The following BMPER variants were observed in gnomAD, a reference collection of about 807,000 sequenced individuals.
BMPER encodes BMP-binding endothelial regulator protein.
In BMPER, 45 loss-of-function variants were observed where a neutral mutation model predicts 87.3. The observed-to-expected ratio is 0.52, with a 90% CI of 0.41 to 0.66. BMPER has a LOEUF of 0.66. Ranked by LOEUF, BMPER falls within the 30% of genes least tolerant of loss-of-function variation. BMPER has a pLI of 0.00. For synonymous variants in BMPER, 326 were observed against 316.2 expected (o/e 1.03, Z -0.33); for missense variants, 784 against 867.5 (o/e 0.90, Z 1.21).
intron 13 of BMPER, among the ~76,000 whole-genome samples, chr7:34,111,333 C>T (rs1789957119): frequency 6.6e-6 from 1 of 152,176 alleles, no homozygotes; most frequent in Non-Finnish European, 1.5e-5. Flanking sequence ...CATTTTTGTT[C>T]AAATTTAATT....
chr7:34,061,347 A>G (rs954557076), intron 10 of BMPER, among the ~76,000 whole-genome samples: 19 of 152,320 alleles, frequency 1.2e-4, no homozygotes, highest in Middle Eastern at 3.4e-3. Context: ...AAGTTGTGCA[A>G]TGTAGGAAAT....
At chr7:34,146,655 C>T (rs1246004219) in intron 14 of BMPER, among the ~76,000 whole-genome samples, 1 of 152,046 alleles carries the variant, frequency 6.6e-6, no homozygotes, top group Admixed American at 6.6e-5. Flanking sequence ...CTCAGAGGGT[C>T]ATTGAGACTT....
chr7:34,109,491 T>A (rs1409408817), intron 13 of BMPER, among the ~76,000 whole-genome samples: 3 of 152,220 alleles, frequency 2.0e-5, no homozygotes, highest in Non-Finnish European at 4.4e-5. Flanking sequence ...TAAAAATTAA[T>A]CATCACAATT....
At chr7:33,905,436 T>TCCCCCCCCCCCCC, upstream of BMPER, 1 of 20,338 alleles carries the variant, frequency 4.9e-5, no homozygotes. Context: ...CACCTTGGTC[T>TCCCCCCCCCCCCC]CTCCCCCCGC....
At chr7:34,074,486 C>T (rs1363379984) in intron 11 of BMPER, among the ~76,000 whole-genome samples, 1 of 152,226 alleles carries the variant, frequency 6.6e-6, no homozygotes, top group Non-Finnish European at 1.5e-5. Flanking sequence ...AACAGCCTTT[C>T]CTGATTCTTC....
intron 6 of BMPER, among the ~76,000 whole-genome samples, chr7:33,979,895 C>CA (rs1785805496): frequency 6.6e-6 from 1 of 152,218 alleles, no homozygotes; most frequent in Admixed American, 6.5e-5. Context: ...GACAGAGAGG[C>CA]AGACCATCAG....
chr7:33,981,707 G>C (rs992401043), intron 6 of BMPER, among the ~76,000 whole-genome samples: 82 of 152,132 alleles, frequency 5.4e-4, no homozygotes, highest in African/African-American at 1.9e-3. Context: ...TTCTCTCTCT[G>C]CTACTTTCCC....
At chr7:33,980,273 C>G (rs1785815896) in intron 6 of BMPER, among the ~76,000 whole-genome samples, 1 of 152,160 alleles carries the variant, frequency 6.6e-6, no homozygotes, top group Non-Finnish European at 1.5e-5. Context: ...ATTAGCTGTT[C>G]CATATAGCGG....
chr7:33,995,140 C>A (rs981969281), intron 6 of BMPER, among the ~76,000 whole-genome samples: 3 of 151,896 alleles, frequency 2.0e-5, no homozygotes, highest in African/African-American at 7.3e-5. Context: ...AAATTATATT[C>A]AAAGATGCAA....
intron 3 of BMPER, among the ~76,000 whole-genome samples, chr7:33,945,054 G>A (rs1585664254): frequency 1.3e-5 from 2 of 152,018 alleles, no homozygotes; most frequent in East Asian, 1.9e-4. Context: ...CCATTCTCCT[G>A]CCTCAGCCTC....
At chr7:33,917,132 A>C (rs1302050746) in intron 2 of BMPER, among the ~76,000 whole-genome samples, 4 of 152,192 alleles carry the variant, frequency 2.6e-5, no homozygotes, top group Admixed American at 6.5e-5. Context: ...AGGTATAGAC[A>C]AGGAAGGTTC....
At chr7:33,971,617 C>G (rs1785549482) in intron 5 of BMPER, among the ~76,000 whole-genome samples, 1 of 152,108 alleles carries the variant, frequency 6.6e-6, no homozygotes, top group African/African-American at 2.4e-5. Context: ...TCCTTAGATG[C>G]CTACAGTATC....
intron 6 of BMPER, among the ~76,000 whole-genome samples, chr7:34,029,851 G>T (rs1787477179): frequency 6.6e-6 from 1 of 152,084 alleles, no homozygotes; most frequent in Non-Finnish European, 1.5e-5. Context: ...TGGGGAATTT[G>T]TAGCCAGCTA....
chr7:33,940,908 C>T (rs1343067373), intron 3 of BMPER, among the ~76,000 whole-genome samples: 1 of 126,228 alleles, frequency 7.9e-6, no homozygotes, highest in Non-Finnish European at 1.6e-5. Flanking sequence ...ATATATATTA[C>T]ATATTGTATA....
chr7:34,131,063 C>T (rs1020402664), intron 13 of BMPER, among the ~76,000 whole-genome samples: 3 of 152,188 alleles, frequency 2.0e-5, no homozygotes, highest in Middle Eastern at 3.4e-3. Context: ...TTCCAACTCT[C>T]AGGGGCTCAT....
intron 2 of BMPER, among the ~76,000 whole-genome samples, chr7:33,917,668 A>T (rs1199518206): frequency 6.6e-6 from 1 of 152,214 alleles, no homozygotes; most frequent in Non-Finnish European, 1.5e-5. Flanking sequence ...AAAGAGAAGG[A>T]TAGAATACAA....
chr7:34,132,438 C>A (rs1261516352), intron 13 of BMPER, among the ~76,000 whole-genome samples: 1 of 152,106 alleles, frequency 6.6e-6, no homozygotes, highest in African/African-American at 2.4e-5. Context: ...GCCCTGCTCT[C>A]CCTACCACGC....
chr7:33,919,470 A>C (rs1562629830), intron 2 of BMPER, among the ~76,000 whole-genome samples: 2 of 152,120 alleles, frequency 1.3e-5, no homozygotes, highest in Non-Finnish European at 2.9e-5. Context: ...TGAACCTCCA[A>C]CTCTGAATTA....
At chr7:33,926,993 C>A (rs576255810) in intron 2 of BMPER, among the ~76,000 whole-genome samples, 10 of 152,334 alleles carry the variant, frequency 6.6e-5, no homozygotes, top group African/African-American at 2.4e-4. Context: ...TAAAGCTGAT[C>A]GGCTTTTCAT....
Sources: allele counts gnomAD v4.1 joint callset (sites outside exome capture counted in the v4.1 genomes callset), GRCh38; gene constraint gnomAD v4.1.1; transcripts MANE v1.5; gene names NCBI Gene and HGNC (gene_info 2026-07-23, HGNC 2026-07-21).